The following SLC25A51 variants were observed in gnomAD, a reference collection of about 807,000 sequenced individuals.
SLC25A51 encodes the protein mitochondrial nicotinamide adenine dinucleotide transporter SLC25A51.
SLC25A51 carries 11 observed loss-of-function variants against 19.1 expected under a neutral mutation model. The observed-to-expected ratio is 0.58, with a 90% confidence interval of 0.36 to 0.96. The LOEUF (loss-of-function observed/expected upper bound fraction) is 0.96. SLC25A51 is among the 40% of genes least tolerant of loss of function. The pLI, the probability that SLC25A51 is intolerant of heterozygous loss-of-function variation, is 0.01. For synonymous variants in SLC25A51, 105 were observed against 133.6 expected (o/e 0.79, Z 1.47); for missense variants, 201 against 365.4 (o/e 0.55, Z 3.67).
intron 1 of SLC25A51, among the ~76,000 whole-genome samples, chr9:37,903,132 C>G (rs552891706): frequency 1.3e-5 from 2 of 152,196 alleles, no homozygotes; most frequent in Non-Finnish European, 2.9e-5. Flanking sequence ...GATTCCAGTT[C>G]CAAAGCGGTA....
downstream of SLC25A51, chr9:37,886,093 C>A: frequency 6.6e-7 from 1 of 1,519,538 alleles, no homozygotes; most frequent in Non-Finnish European, 9.1e-7. Context: ...ATGCTGGACG[C>A]TATACTGATG....
chr9:37,891,868 T>TA (rs1554693919), intron 2 of SLC25A51, among the ~76,000 whole-genome samples: 6 of 129,716 alleles, frequency 4.6e-5, no homozygotes, highest in South Asian at 2.3e-4. Flanking sequence ...AAAAAAAATT[T>TA]TATATATATA....
chr9:37,898,071 A>G (rs1831759371), intron 2 of SLC25A51, among the ~76,000 whole-genome samples: 1 of 152,198 alleles, frequency 6.6e-6, no homozygotes. Flanking sequence ...TTATAACTTA[A>G]GCTCCTGCCC....
At position 37,888,029 on chromosome 9, in the gene SLC25A51, T is replaced by C. The variant is rs761668955; in HGVS notation, c.522A>G (p.Arg174=). ...LKCHGIGEYY[R]GLVPILFRNG... is the part of the protein sequence containing the mutation. ...TCCGGAAAAGAATGGGCACCAAGCCTCGATAATACTCTCCAATTCCATGAC... is the reference window on the plus strand; with the variant it reads ...TCCGGAAAAGAATGGGCACCAAGCCCCGATAATACTCTCCAATTCCATGAC... The change falls in exon 3 of 3, where the codon CGA becomes CGG. Residue 174 remains arginine (R), a synonymous_variant. Transcript: ENST00000242275. 1.9e-6 allele frequency: 3 copies of C among 1,612,790 alleles called. No homozygotes were observed. The South Asian group carries it at 3.3e-5, about 18-fold the overall frequency.
At chr9:37,883,986 C>T (rs1215875060), downstream of SLC25A51, among the ~76,000 whole-genome samples, 2 of 152,160 alleles carry the variant, frequency 1.3e-5, no homozygotes, top group African/African-American at 4.8e-5. Flanking sequence ...TAGAGGTCAA[C>T]AGCTTTTATG....
At chr9:37,892,563 A>G (rs1050166099) in intron 2 of SLC25A51, among the ~76,000 whole-genome samples, 1 of 151,596 alleles carries the variant, frequency 6.6e-6, no homozygotes, top group African/African-American at 2.4e-5. Flanking sequence ...TACATTATAT[A>G]TATATATTTT....
chr9:37,889,262 T>A (rs1301320860), intron 2 of SLC25A51, among the ~76,000 whole-genome samples: 1 of 152,212 alleles, frequency 6.6e-6, no homozygotes, highest in Admixed American at 6.5e-5. Flanking sequence ...CATGCACTCA[T>A]TCTATTCATA....
downstream of SLC25A51, chr9:37,885,621 A>T: frequency 3.8e-6 from 3 of 779,846 alleles, no homozygotes; most frequent in Non-Finnish European, 6.8e-6. Flanking sequence ...CAACAATAAT[A>T]CGGCGCCCAA....
At position 37,888,318 on chromosome 9, in the gene SLC25A51, C is replaced by T. The variant is rs769274693; in HGVS notation, c.233G>A (p.Arg78Gln). The change falls in exon 3 of 3, where the codon CGA (arginine) becomes CAA (glutamine). Residue 78 changes from arginine (R) to glutamine (Q), a missense_variant. Arg to Gln is a conservative substitution (Grantham distance 43). Transcript: ENST00000242275. ...AILQLRRDGF[R>Q]NLYRGILPPL... is the part of the protein sequence containing the mutation. ...GGGAAGGATTCCACGATACAAATTT[C>T]GAAATCCATCCCTTCTCAACTGAAG... The T allele has an allele frequency of 1.6e-5, 26 of 1,614,132 alleles. No individual in the cohort carries two copies. The highest frequency in any genetic ancestry group is 4.5e-5 in the East Asian group (2 of 44,906).
downstream of SLC25A51, chr9:37,885,691 C>T (rs532875413): frequency 3.1e-4 from 420 of 1,359,062 alleles, no homozygotes; most frequent in East Asian, 1.1e-3. Flanking sequence ...GAGAGAGAAG[C>T]GGAGATCCTG....
At chr9:37,903,616 C>A (rs1400403965) in intron 1 of SLC25A51, 2 of 152,308 alleles carry the variant, frequency 1.3e-5, no homozygotes, top group Non-Finnish European at 2.9e-5. Context: ...GTTTCTGACA[C>A]TTCACAGTCA....
At chr9:37,889,593 T>C (rs1831535500) in intron 2 of SLC25A51, among the ~76,000 whole-genome samples, 1 of 151,890 alleles carries the variant, frequency 6.6e-6, no homozygotes, top group Admixed American at 6.6e-5. Flanking sequence ...TATTCTCTTT[T>C]GTTCTGTTCA....
At chr9:37,886,023 CT>C (rs1564066053), downstream of SLC25A51, 6 of 1,613,656 alleles carry the variant, frequency 3.7e-6, no homozygotes, top group Admixed American at 3.3e-5. Context: ...TCATTTGCCC[CT>C]ATCTATGCTG....
downstream of SLC25A51, chr9:37,886,009 C>G: frequency 6.2e-7 from 1 of 1,613,656 alleles, no homozygotes; most frequent in Non-Finnish European, 8.5e-7. Context: ...CTAATGACTG[C>G]CAATCATTTG....
chr9:37,879,099 AT>A, downstream of SLC25A51: 2 of 355,486 alleles, frequency 5.6e-6, no homozygotes, highest in Non-Finnish European at 1.1e-5. Context: ...GCCTGTGGAA[AT>A]TTTGGCATTC....
At chr9:37,886,112 C>T (rs1027129574), downstream of SLC25A51, 27 of 1,464,898 alleles carry the variant, frequency 1.8e-5, no homozygotes, top group Admixed American at 8.4e-5. Flanking sequence ...TGTTAGTACG[C>T]GGTACAAAGT....
intron 1 of SLC25A51, among the ~76,000 whole-genome samples, chr9:37,900,492 CTGG>C (rs1489198370): frequency 2.0e-5 from 3 of 151,984 alleles, no homozygotes; most frequent in Non-Finnish European, 4.4e-5. Context: ...GTCACCCAGA[CTGG>C]AGTACGGTGG....
At chr9:37,888,773 G>A (rs905060563) in intron 2 of SLC25A51, among the ~76,000 whole-genome samples, 181 bp from the exon 3 acceptor site, 3 of 152,166 alleles carry the variant, frequency 2.0e-5, no homozygotes, top group African/African-American at 7.2e-5. Flanking sequence ...GGGAGTCCAG[G>A]AGATTTTCCT....
Position 37,887,751 on chromosome 9 carries a change from T to C in SLC25A51, c.800A>G (p.Asn267Ser), listed in dbSNP as rs1831494296. ...IWLERDRKLI[N>S]LFRGAHLNYH... Reference sequence around the variant, plus strand: ...ATTCAGATGGGCACCTCTGAAAAGATTTATCAGTTTTCTGTCCCGTTCCAG... The same window carrying C: ...ATTCAGATGGGCACCTCTGAAAAGACTTATCAGTTTTCTGTCCCGTTCCAG... The change falls in exon 3 of 3, where the codon AAT becomes AGT. Residue 267 changes from asparagine (N) to serine (S), a missense_variant. By Grantham distance (46) the Asn-to-Ser change is conservative. Transcript: ENST00000242275. The C allele has an allele frequency of 6.2e-7, 1 of 1,613,836 alleles. No individual in the cohort carries two copies. The highest frequency in any genetic ancestry group is 8.5e-7 in the Non-Finnish European group (1 of 1,179,842).
Sources: gnomAD v4.1 joint callset for allele counts (sites outside exome capture counted in the v4.1 genomes callset) on GRCh38, gnomAD v4.1.1 for gene constraint, MANE v1.5 for transcripts, NCBI Gene and HGNC (gene_info 2026-07-23, HGNC 2026-07-21) for gene names.